Variants in SMARCAL1 observed in about 807,000 individuals in gnomAD.
SMARCAL1 encodes SNF2 related chromatin remodeling annealing helicase 1.
Under a neutral mutation model 94.5 loss-of-function variants are expected in SMARCAL1, and 58 were observed. The observed-to-expected ratio is 0.61, with a 90% confidence interval of 0.50 to 0.76. The LOEUF is 0.76. Among genes scored for constraint, SMARCAL1 ranks in the 30% least tolerant of loss-of-function variants. The pLI is 0.00. For missense variants in SMARCAL1, 1,051 were observed against 1,177.9 expected, an observed-to-expected ratio of 0.89 and a Z score of 1.58; for synonymous variants, 422 against 455.1, an observed-to-expected ratio of 0.93 and a Z score of 0.93.
intron 16 of SMARCAL1, among the ~76,000 whole-genome samples, chr2:216,477,737 C>G: frequency 6.6e-6 from 1 of 152,040 alleles, no homozygotes; most frequent in East Asian, 1.9e-4. Context: ...AGTGAAAAAT[C>G]TCAAAAAGCT....
intron 10 of SMARCAL1, among the ~76,000 whole-genome samples, chr2:216,440,966 A>T (rs1694186795): frequency 6.6e-6 from 1 of 152,160 alleles, no homozygotes; most frequent in Non-Finnish European, 1.5e-5. Flanking sequence ...CCCATGGAGA[A>T]CCACCAATCT....
At chr2:216,442,871 G>A (rs1694225832) in intron 10 of SMARCAL1, among the ~76,000 whole-genome samples, 1 of 152,172 alleles carries the variant, frequency 6.6e-6, no homozygotes, top group Admixed American at 6.5e-5. Flanking sequence ...ATCCCTGTGT[G>A]TCTGAGATGG....
chr2:216,475,167 T>C lies in SMARCAL1; in HGVS notation c.2245-102T>C. ...AAGCTCTGAAGGCAGGGGCCTCTGCTGAGCTGGAACCTGGTTCTGTGCTGG... is the reference window on the plus strand; with the variant it reads ...AAGCTCTGAAGGCAGGGGCCTCTGCCGAGCTGGAACCTGGTTCTGTGCTGG... On this transcript the variant is annotated intron_variant, in intron 14 of 17. Transcript: ENST00000357276. The surrounding 1 kb of genome is among the most constrained non-coding windows in gnomAD (Gnocchi z 4.4). The C allele has an allele frequency of 8.3e-7, 1 of 1,199,738 alleles. No individual in the cohort carries two copies. Among genetic ancestry groups the C allele is most frequent in the Non-Finnish European group, 1.2e-6 (1 of 818,038 alleles). 74.3% of individuals were successfully genotyped at this position (1,199,738 alleles called of 1,614,324 possible).
intron 6 of SMARCAL1, among the ~76,000 whole-genome samples, chr2:216,425,524 C>T (rs1429197310): frequency 2.0e-5 from 3 of 152,226 alleles, no homozygotes; most frequent in Admixed American, 2.0e-4. Flanking sequence ...GTTCGGCAGA[C>T]AGGAGCATGT....
intron 14 of SMARCAL1, among the ~76,000 whole-genome samples, chr2:216,474,663 G>A (rs976112331): frequency 5.9e-5 from 9 of 151,986 alleles, no homozygotes; most frequent in Non-Finnish European, 1.2e-4. Flanking sequence ...GCTGAGGCAG[G>A]AGAATCACTT....
At chr2:216,479,584 T>C (rs1359613669) in intron 17 of SMARCAL1, among the ~76,000 whole-genome samples, 2 of 146,982 alleles carry the variant, frequency 1.4e-5, no homozygotes, top group African/African-American at 5.1e-5. Flanking sequence ...ATTTATTTGC[T>C]AAATATTGGG....
intron 11 of SMARCAL1, among the ~76,000 whole-genome samples, chr2:216,449,100 G>A (rs978601022): frequency 1.3e-5 from 2 of 152,202 alleles, no homozygotes; most frequent in Admixed American, 6.5e-5. Context: ...ATGGCAGAAG[G>A]CATCATATGG....
chr2:216,438,192 G>A (rs1167109484), intron 9 of SMARCAL1, among the ~76,000 whole-genome samples: 1 of 152,204 alleles, frequency 6.6e-6, no homozygotes, highest in African/African-American at 2.4e-5. Flanking sequence ...CTTTATAGAT[G>A]GAAAATTGTC....
In SMARCAL1 at chr2:216,435,421, G is replaced by A. The variant is rs1694060346; in HGVS notation, c.1569G>A (p.Leu523=). 3.1e-6 allele frequency: 5 copies of A among 1,614,030 alleles called. No individual in the cohort carries two copies. The highest frequency in any genetic ancestry group is 8.5e-7 in the Non-Finnish European group (1 of 1,180,004). The part of the protein sequence containing the change: ...VTGKDRLTAG[L]INIVSFDLLS... ...GGAAGGACCGCCTGACAGCTGGCCTGATCAACATTGTCAGCTTTGACCTTC... is the reference window on the plus strand; with the variant it reads ...GGAAGGACCGCCTGACAGCTGGCCTAATCAACATTGTCAGCTTTGACCTTC... The change falls in exon 9 of 18, where the codon CTG becomes CTA. Residue 523 remains leucine, a synonymous_variant. Transcript: ENST00000357276.
chr2:216,469,330 G>C (rs1264830808), intron 14 of SMARCAL1, among the ~76,000 whole-genome samples: 1 of 135,904 alleles, frequency 7.4e-6, no homozygotes, highest in East Asian at 2.1e-4. Context: ...CCCCCAGGCT[G>C]GAGTGCAGTA....
At chr2:216,463,084 C>T (rs1196368253) in intron 12 of SMARCAL1, among the ~76,000 whole-genome samples, 1 of 152,144 alleles carries the variant, frequency 6.6e-6, no homozygotes, top group East Asian at 1.9e-4. Context: ...TGGTTGCTTT[C>T]CTGAGTTATC....
At position 216,447,162 on chromosome 2, in the gene SMARCAL1, T is replaced by G. The variant is rs750203364; in HGVS notation, c.1851+4T>G. ...TCGCTACTGTGATGCCAAACGGGTA[T>G]GTATTATCTCTTCCCTCCCAGCCCA... On this transcript the variant is annotated splice_donor_region_variant and intron_variant, in intron 11 of 17. Coordinates refer to ENST00000357276, the MANE Select transcript of SMARCAL1 (RefSeq NM_014140.4). 1.2e-6 allele frequency: 2 copies of G among 1,613,988 alleles called. No individual in the cohort carries two copies. Among genetic ancestry groups the G allele is most frequent in the South Asian group, 2.2e-5 (2 of 91,080 alleles).
At chr2:216,468,718 A>C (rs1339060541) in intron 14 of SMARCAL1, among the ~76,000 whole-genome samples, 2 of 150,666 alleles carry the variant, frequency 1.3e-5, no homozygotes, top group African/African-American at 4.8e-5. Flanking sequence ...AAATGAATTT[A>C]TTTCAAGGTT....
chr2:216,478,071 C>T, intron 16 of SMARCAL1, 132 bp from the exon 17 acceptor site: 1 of 820,916 alleles, frequency 1.2e-6, no homozygotes, highest in South Asian at 1.4e-5. Context: ...GGTGTTTGCA[C>T]CTTGAGAGAT....
chr2:216,432,594 T>C, intron 7 of SMARCAL1, 124 bp from the exon 8 acceptor site: 1 of 1,103,528 alleles, frequency 9.1e-7, no homozygotes, highest in Non-Finnish European at 1.4e-6. Context: ...GCAAGTCTGG[T>C]GGTGGGCTGG....
intron 14 of SMARCAL1, among the ~76,000 whole-genome samples, chr2:216,473,750 A>G (rs1310703043): frequency 2.6e-5 from 4 of 152,368 alleles, no homozygotes; most frequent in East Asian, 3.9e-4. Flanking sequence ...TATCATGTTT[A>G]TCACTAGCAA....
In SMARCAL1 at chr2:216,473,644, A is replaced by G. The variant is rs189623207; in HGVS notation, c.2245-1625A>G. On this transcript the variant is annotated intron_variant, in intron 14 of 17. Transcript: ENST00000357276. The stretch of plus-strand genomic sequence containing the variant: ...GTTTTATTGGGGGAAAACAGGATAT[A>G]AAACTTTTTATTTAAAAGATATATA... Among the ~76,000 whole-genome samples the G allele has an allele frequency of 5.8e-4, 89 of 152,336 alleles. 1 individual carries two copies. The highest frequency in any genetic ancestry group is 3.4e-3 in the Middle Eastern group (1 of 294).
chr2:216,474,128 C>CTT lies in SMARCAL1; in HGVS notation c.2245-1113_2245-1112dup, dbSNP rs1182416023. Among the ~76,000 whole-genome samples the CTT allele has an allele frequency of 1.9e-3, 124 of 64,940 alleles. 7 individuals carry two copies. Among genetic ancestry groups the CTT allele is most frequent in the East Asian group, 0.011 (19 of 1,708 alleles). 42.6% of individuals were successfully genotyped at this position (64,940 alleles called of 152,430 possible). A position where few individuals can be genotyped will look rare whatever the true frequency, so the allele number is the denominator to read the frequency against. ...ATTTATATAACATTTGTATAGCATT[C>CTT]TTTTTTTTTTTTTTTTTTTTTTTTT... On this transcript the variant is annotated intron_variant, in intron 14 of 17. Coordinates refer to ENST00000357276, the MANE Select transcript of SMARCAL1 (RefSeq NM_014140.4).
chr2:216,416,428 C>A (rs1574444745), intron 4 of SMARCAL1, 121 bp downstream of exon 4: 2 of 86,828 alleles, frequency 2.3e-5, no homozygotes, highest in Non-Finnish European at 1.7e-5. Flanking sequence ...TTTCAGGGCA[C>A]CCCCCCCAAC....
Sources: gnomAD v4.1 joint callset for allele counts (sites outside exome capture counted in the v4.1 genomes callset) on GRCh38, gnomAD v4.1.1 for gene constraint, Gnocchi (gnomAD v3.1) non-coding constraint, MANE v1.5 for transcripts, NCBI Gene and HGNC (gene_info 2026-07-23, HGNC 2026-07-21) for gene names.